The following ARFGEF3 variants were observed in gnomAD, a reference collection of about 807,000 sequenced individuals.
The protein encoded by ARFGEF3 is ARFGEF family member 3.
A neutral mutation model predicts 221.7 loss-of-function variants in ARFGEF3; 96 were observed. The ratio of observed to expected loss-of-function variants is 0.43; its 90% CI spans 0.37 to 0.51. The LOEUF is 0.51. ARFGEF3 is among the 20% of genes least tolerant of loss of function. The pLI, the probability that ARFGEF3 is intolerant of heterozygous loss-of-function variation, is 0.00. For missense variants in ARFGEF3, 2,410 were observed against 2,789.9 expected, an observed-to-expected ratio of 0.86 and a Z score of 3.07; for synonymous variants, 1,145 against 1,126.8, an observed-to-expected ratio of 1.02 and a Z score of -0.32.
At chr6:138,237,731 G>A (rs1241046430) in intron 5 of ARFGEF3, among the ~76,000 whole-genome samples, 1 of 152,098 alleles carries the variant, frequency 6.6e-6, no homozygotes, top group Non-Finnish European at 1.5e-5. Flanking sequence ...GCTCTCAAAT[G>A]ACAGCGTAGG....
chr6:138,311,184 A>G (rs1400380158), intron 24 of ARFGEF3, among the ~76,000 whole-genome samples: 2 of 152,224 alleles, frequency 1.3e-5, no homozygotes, highest in Non-Finnish European at 2.9e-5. Context: ...ATGATAGGAA[A>G]GGTATGGTCC....
rs776477251 is a variant in ARFGEF3 at position 138,308,749 on chromosome 6, A to C, written c.3984A>C (p.Gln1328His). The change falls in exon 24 of 34, where the codon CAA becomes CAC. Residue 1328 changes from glutamine (Q) to histidine (H), a missense_variant. Around this residue, in one of 5 missense-constraint regions of ARFGEF3, gnomAD observed 723 missense variants for 991.9 expected, o/e 0.73. Transcript: ENST00000251691. Reference protein sequence around the residue: ...LVGDYSMGKGQAPVFDVFEAF... With the variant: ...LVGDYSMGKGHAPVFDVFEAF... ...ATCTTCCTCCCTTAGGAAAAGGCCA[A>C]GCTCCAGTGTTTGATGTATTTGAAG... The C allele has an allele frequency of 6.2e-7, 1 of 1,613,998 alleles. No individual in the cohort carries two copies. The highest frequency in any genetic ancestry group is 8.5e-7 in the Non-Finnish European group (1 of 1,179,860).
intron 4 of ARFGEF3, among the ~76,000 whole-genome samples, chr6:138,213,267 G>A (rs1162991797): frequency 1.4e-5 from 2 of 143,842 alleles, no homozygotes; most frequent in Non-Finnish European, 3.0e-5. Context: ...CAGCCTGGGC[G>A]ACAGAGCGAG....
intron 8 of ARFGEF3, among the ~76,000 whole-genome samples, chr6:138,251,802 T>C (rs1387925228): frequency 1.3e-5 from 2 of 152,158 alleles, no homozygotes. Flanking sequence ...TTCTAAGAAG[T>C]TGCTCCTGCC....
At chr6:138,300,541 C>A (rs144819783) in intron 22 of ARFGEF3, among the ~76,000 whole-genome samples, 2 of 152,058 alleles carry the variant, frequency 1.3e-5, no homozygotes, top group Non-Finnish European at 2.9e-5. Flanking sequence ...AAAAGAATAC[C>A]CAGAGTAGTC....
chr6:138,210,264 G>T (rs372581008), intron 4 of ARFGEF3, among the ~76,000 whole-genome samples: 1 of 152,162 alleles, frequency 6.6e-6, no homozygotes, highest in African/African-American at 2.4e-5. Context: ...GCCTTGTTCT[G>T]CATTAAAGGC....
At chr6:138,294,216 C>T (rs1779466578) in intron 20 of ARFGEF3, 90 bp downstream of exon 20, 1 of 1,343,072 alleles carries the variant, frequency 7.4e-7, no homozygotes, top group Non-Finnish European at 1.0e-6. Context: ...GAAGATTTGA[C>T]TCCACATTCC....
rs541515243 is a variant in ARFGEF3, at chr6:138,275,746, G to GA, written c.2129-2688dup. ...GTGACAGAACAAGACTCTGACTCAG[G>GA]AAAAAAAAAAAAAAAAATTCACAGG... On this transcript the variant is annotated intron_variant, in intron 12 of 33. Transcript: ENST00000251691. Among the ~76,000 whole-genome samples the GA allele has an allele frequency of 8.2e-3, 910 of 111,386 alleles. 5 individuals are homozygous for GA. Among genetic ancestry groups the GA allele is most frequent in the African/African-American group, 0.017 (520 of 30,826 alleles). 73.1% of individuals were successfully genotyped at this position (111,386 alleles called of 152,430 possible). A position where few individuals can be genotyped will look rare whatever the true frequency, so the allele number is the denominator to read the frequency against.
At chr6:138,165,083 C>T (rs1282373733) in intron 1 of ARFGEF3, among the ~76,000 whole-genome samples, 1 of 148,152 alleles carries the variant, frequency 6.7e-6, no homozygotes, top group African/African-American at 2.5e-5. Flanking sequence ...GCATCCCCCA[C>T]TGAGACCCTC....
At chr6:138,293,226 C>A (rs988197820) in intron 19 of ARFGEF3, among the ~76,000 whole-genome samples, 4 of 152,136 alleles carry the variant, frequency 2.6e-5, no homozygotes, top group Non-Finnish European at 5.9e-5. Context: ...AGCAGGGTGA[C>A]CCAAGAGCCA....
intron 14 of ARFGEF3, 103 bp from the exon 15 acceptor site, chr6:138,285,843 G>A (rs978387779): frequency 1.5e-6 from 1 of 685,930 alleles, no homozygotes; most frequent in Non-Finnish European, 2.6e-6. Context: ...AAACATAAAA[G>A]ATACAAGGGA....
chr6:138,316,862 T>C (rs1464876908), intron 26 of ARFGEF3, among the ~76,000 whole-genome samples: 1 of 152,186 alleles, frequency 6.6e-6, no homozygotes, highest in Non-Finnish European at 1.5e-5. Flanking sequence ...CTAAAATGGC[T>C]TTTTCTGTTC....
At chr6:138,247,080 C>T (rs988182701) in intron 8 of ARFGEF3, among the ~76,000 whole-genome samples, 2 of 152,016 alleles carry the variant, frequency 1.3e-5, no homozygotes, top group Non-Finnish European at 1.5e-5. Context: ...TTTTCCCTAC[C>T]CCCACCCTCA....
intron 14 of ARFGEF3, 44 bp from the exon 15 acceptor site, chr6:138,285,902 G>A (rs1779278458): frequency 8.6e-7 from 1 of 1,166,874 alleles, no homozygotes; most frequent in East Asian, 2.3e-5. Context: ...GTTTTTGACT[G>A]GAGTGTTTTA....
chr6:138,166,991 G>T (rs1194040638), intron 1 of ARFGEF3, among the ~76,000 whole-genome samples: 2 of 152,204 alleles, frequency 1.3e-5, no homozygotes, highest in Middle Eastern at 6.8e-3. Flanking sequence ...TTTGTCATCT[G>T]CCTTTCACCT....
chr6:138,282,632 C>T (rs1779216762), intron 14 of ARFGEF3, among the ~76,000 whole-genome samples: 1 of 152,176 alleles, frequency 6.6e-6, no homozygotes, highest in African/African-American at 2.4e-5. Flanking sequence ...TGGAGTCTTG[C>T]TTCAAGAACT....
intron 12 of ARFGEF3, among the ~76,000 whole-genome samples, chr6:138,263,983 C>A (rs2114592922): frequency 6.6e-6 from 1 of 152,260 alleles, no homozygotes; most frequent in South Asian, 2.1e-4. Context: ...GAGCAATGTA[C>A]TTTTGGTGTA....
intron 22 of ARFGEF3, among the ~76,000 whole-genome samples, chr6:138,301,147 A>G (rs931236052): frequency 9.9e-5 from 15 of 152,244 alleles, no homozygotes; most frequent in Admixed American, 5.2e-4. Context: ...AGCTTTGGCT[A>G]TGGTAACATG....
intron 2 of ARFGEF3, among the ~76,000 whole-genome samples, chr6:138,179,012 A>G (rs546748092): frequency 6.6e-6 from 1 of 152,338 alleles, no homozygotes; most frequent in Admixed American, 6.5e-5. Context: ...ATTCTATGCC[A>G]AAGGATGCTA....
Sources: gnomAD v4.1 joint callset for allele counts (sites outside exome capture counted in the v4.1 genomes callset) on GRCh38, gnomAD v4.1.1 for gene constraint, gnomAD v4.1.1 regional missense constraint, MANE v1.5 for transcripts, NCBI Gene and HGNC (gene_info 2026-07-23, HGNC 2026-07-21) for gene names.